The following HUNK variants were observed in gnomAD, a reference collection of about 807,000 sequenced individuals.
HUNK encodes hormonally up-regulated neu tumor-associated kinase.
A neutral mutation model predicts 61.0 loss-of-function variants in HUNK; 21 were observed. The observed-to-expected ratio is 0.34, with a 90% CI of 0.24 to 0.50. The LOEUF is 0.50. HUNK is among the 20% of genes least tolerant of loss of function. The pLI, the probability that HUNK is intolerant of heterozygous loss-of-function variation, is 0.98. For synonymous variants in HUNK, 371 were observed against 386.1 expected (o/e 0.96, Z 0.46); for missense variants, 772 against 945.7 (o/e 0.82, Z 2.41).
At chr21:31,874,054 C>A in intron 1 of HUNK, 119 bp downstream of exon 1, 1 of 718,876 alleles carries the variant, frequency 1.4e-6, no homozygotes, top group Non-Finnish European at 1.9e-6. Context: ...CGCCTTCCCC[C>A]TCCGCCCGGC....
intron 3 of HUNK, among the ~76,000 whole-genome samples, chr21:31,943,099 T>C (rs1035362393): frequency 1.4e-4 from 21 of 152,310 alleles, no homozygotes; most frequent in Admixed American, 5.9e-4. Context: ...CTTTTTTTTT[T>C]CAAAGGTGAT....
chr21:31,908,822 G>C (rs2052526302), intron 1 of HUNK, among the ~76,000 whole-genome samples: 1 of 152,156 alleles, frequency 6.6e-6, no homozygotes, highest in African/African-American at 2.4e-5. Context: ...GAACAGACAG[G>C]GCTACTGGGG....
rs1343397797 is a variant in HUNK, at chr21:31,958,856, T to C, written c.760T>C (p.Tyr254His). The C allele has an allele frequency of 2.5e-6, 4 of 1,604,226 alleles. No individual in the cohort carries two copies. Among genetic ancestry groups the C allele is most frequent in the Admixed American group, 1.7e-5 (1 of 59,338 alleles). ...IDVWSIGVNMYAMLTGTLPFT... is the reference protein window; with the variant it reads ...IDVWSIGVNMHAMLTGTLPFT... ...CTCTCTTTTCAGAGGTGTGAACATG[T>C]ATGCCATGTTGACCGGGACGCTGCC... is the stretch of plus-strand genomic sequence containing the variant. Residue 254 changes from tyrosine to histidine, a missense_variant, in exon 5 of 11, where the codon TAT (tyrosine) becomes CAT (histidine). By Grantham distance (83) the Tyr-to-His change is moderately conservative (BLOSUM62 2). Transcript: ENST00000270112.
chr21:31,948,157 G>A (rs1405417815), intron 4 of HUNK, among the ~76,000 whole-genome samples: 2 of 152,184 alleles, frequency 1.3e-5, no homozygotes, highest in Non-Finnish European at 1.5e-5. Flanking sequence ...GTCCTTTCAG[G>A]GTCTCAAGAT....
intron 2 of HUNK, among the ~76,000 whole-genome samples, chr21:31,937,631 T>C (rs1268012095): frequency 6.6e-6 from 1 of 152,212 alleles, no homozygotes; most frequent in Non-Finnish European, 1.5e-5. Flanking sequence ...TTGAATAAAA[T>C]TGTTTCATGA....
intron 1 of HUNK, among the ~76,000 whole-genome samples, chr21:31,896,149 C>T (rs570246517): frequency 4.5e-4 from 69 of 152,306 alleles, no homozygotes; most frequent in Middle Eastern, 3.4e-3. Flanking sequence ...ACTTTGATCT[C>T]AGACTTTGGG....
intron 5 of HUNK, among the ~76,000 whole-genome samples, chr21:31,963,057 T>C (rs2052939652): frequency 6.6e-6 from 1 of 152,216 alleles, no homozygotes. Context: ...CTCCCATTTT[T>C]TCAATCCTTT....
At position 32,002,768 on chromosome 21, in the gene HUNK, G is replaced by A. The variant is rs1344283254; in HGVS notation, c.*3584G>A. The A allele has an allele frequency of 6.6e-6, 1 of 152,130 alleles. No homozygotes were observed. The highest frequency in any genetic ancestry group is 1.5e-5 in the Non-Finnish European group (1 of 68,010). 9.4% of individuals were successfully genotyped at this position (152,130 alleles called of 1,614,324 possible). A position where few individuals can be genotyped will look rare whatever the true frequency, so the allele number is the denominator to read the frequency against. ...CTTCCTTCATAACTGTTCACAAAAC[G>A]TTTTTCATATATACCACCTTGTTTC... is the stretch of plus-strand genomic sequence containing the variant. On this transcript the variant is annotated 3_prime_UTR_variant, in exon 11 of 11. Coordinates refer to ENST00000270112, the MANE Select transcript of HUNK (RefSeq NM_014586.2).
intron 7 of HUNK, among the ~76,000 whole-genome samples, chr21:31,979,765 TTGGC>T (rs2053081621): frequency 6.6e-6 from 1 of 152,042 alleles, no homozygotes; most frequent in Non-Finnish European, 1.5e-5. Context: ...TCTGCCCACC[TTGGC>T]CTCCCAAAGT....
At chr21:31,943,135 T>C (rs1009516771) in intron 3 of HUNK, among the ~76,000 whole-genome samples, 8 of 152,236 alleles carry the variant, frequency 5.3e-5, no homozygotes, top group African/African-American at 1.2e-4. Flanking sequence ...TGCCTCTTAA[T>C]AGTTTCTCTT....
In HUNK at chr21:31,873,928, G is replaced by A. The variant is rs1422354512; in HGVS notation, c.254G>A (p.Gly85Glu). The change falls in exon 1 of 11, where the codon GGG (glycine) becomes GAG (glutamate). Residue 85 changes from glycine to glutamate, a missense_variant. This residue lies in a region of HUNK where 359 missense variants were observed against 501.3 expected (regional missense o/e 0.72). Transcript: ENST00000270112. This position sits in a 1 kb window ranked among gnomAD's most constrained non-coding sequence, Gnocchi z 6.1. The part of the protein sequence containing the change: ...KVREGLHVLT[G>E]EKVAIKVIDK... ...CGCGAGGGGCTGCACGTGCTGACCG[G>A]GGAGAAGGTGAGTCTCCCGGGCGCC... is the stretch of plus-strand genomic sequence containing the variant. 9 of 1,543,156 alleles carry A rather than the reference G, an allele frequency of 5.8e-6. No homozygotes were observed. The African/African-American group carries it at 8.4e-5, about 14-fold the overall frequency.
chr21:31,947,771 T>C (rs949760483), intron 4 of HUNK, among the ~76,000 whole-genome samples: 2 of 152,018 alleles, frequency 1.3e-5, no homozygotes, highest in African/African-American at 4.8e-5. Context: ...CAGTTCAGAG[T>C]CTTGGATTCT....
intron 7 of HUNK, among the ~76,000 whole-genome samples, chr21:31,979,733 T>C (rs898498187): frequency 2.6e-4 from 39 of 151,922 alleles, no homozygotes; most frequent in Non-Finnish European, 4.3e-4. Context: ...GCCAGGATGG[T>C]CTCAATCTCC....
At chr21:31,994,808 T>C (rs1468482477) in intron 9 of HUNK, among the ~76,000 whole-genome samples, 1 of 152,244 alleles carries the variant, frequency 6.6e-6, no homozygotes, top group Non-Finnish European at 1.5e-5. Flanking sequence ...GTCAAATTCA[T>C]TCCTATCAGA....
Position 31,924,539 on chromosome 21 carries a change from G to A in HUNK, c.333G>A (p.Glu111=). Residue 111 remains glutamate, a synonymous_variant, in exon 2 of 11, where the codon GAG becomes GAA. Transcript: ENST00000270112. The surrounding 1 kb of genome is among the most constrained non-coding windows in gnomAD (Gnocchi z 5.1). ...ATGTCACCAAAAACCTGCGGCGAGAGGGTCAGATCCAGCAGATGATCCGCC... is the reference window on the plus strand; with the variant it reads ...ATGTCACCAAAAACCTGCGGCGAGAAGGTCAGATCCAGCAGATGATCCGCC... ...DTYVTKNLRR[E]GQIQQMIRHP... is the part of the protein sequence containing the mutation. 6.2e-7 allele frequency: 1 copy of A among 1,614,168 alleles called. No homozygotes were observed. Among genetic ancestry groups the A allele is most frequent in the Non-Finnish European group, 8.5e-7 (1 of 1,180,024 alleles).
intron 2 of HUNK, among the ~76,000 whole-genome samples, chr21:31,927,838 G>T (rs1568927410): frequency 6.6e-6 from 1 of 152,170 alleles, no homozygotes; most frequent in East Asian, 1.9e-4. Context: ...GCCAGCCTTG[G>T]GTAGGCACCA....
chr21:31,965,559 A>G (rs74314714), intron 5 of HUNK, among the ~76,000 whole-genome samples: 3,362 of 149,002 alleles, frequency 0.023, 59 homozygotes, highest in East Asian at 0.06. Flanking sequence ...GCCTCTACAC[A>G]TGCATTTCTA....
At chr21:31,892,158 A>ATATAT (rs1363557506) in intron 1 of HUNK, among the ~76,000 whole-genome samples, 44 of 112,020 alleles carry the variant, frequency 3.9e-4, no homozygotes, top group African/African-American at 1.4e-3. Flanking sequence ...TAAAAAAAAA[A>ATATAT]AAAAATATAT....
At chr21:31,917,005 T>C (rs2052587725) in intron 1 of HUNK, among the ~76,000 whole-genome samples, 1 of 152,064 alleles carries the variant, frequency 6.6e-6, no homozygotes, top group South Asian at 2.1e-4. Context: ...CTCTCCTGCA[T>C]CTTGTATTTC....
Sources: gnomAD v4.1 joint callset for allele counts (sites outside exome capture counted in the v4.1 genomes callset) on GRCh38, gnomAD v4.1.1 for gene constraint, gnomAD v4.1.1 regional missense constraint, Gnocchi (gnomAD v3.1) non-coding constraint, MANE v1.5 for transcripts, NCBI Gene and HGNC (gene_info 2026-07-23, HGNC 2026-07-21) for gene names.